USP37: variants seen among roughly 807,000 people sequenced by gnomAD.
The protein encoded by USP37 is ubiquitin carboxyl-terminal hydrolase 37.
USP37 carries 27 observed loss-of-function variants against 124.0 expected under a neutral mutation model. That is an observed-to-expected ratio of 0.22 (90% CI 0.16 to 0.30). USP37 has a LOEUF of 0.30. Ranked by LOEUF, USP37 falls within the 10% of genes least tolerant of loss-of-function variation. USP37 has a pLI of 1.00. For missense variants in USP37, 889 were observed against 1,140.4 expected (o/e 0.78, Z 3.17); for synonymous variants, 365 against 388.0 (o/e 0.94, Z 0.70).
In USP37 at chr2:218,547,084, G is replaced by A. The variant is rs988860015; in HGVS notation, c.437C>T (p.Ala146Val). 1.9e-5 allele frequency: 31 copies of A among 1,591,468 alleles called. No individual in the cohort carries two copies. Among genetic ancestry groups the A allele is most frequent in the Non-Finnish European group, 2.6e-5 (31 of 1,174,618 alleles). The change falls in exon 7 of 26, where the codon GCA becomes GTA. Residue 146 changes from alanine (A) to valine (V), a missense_variant. Physicochemically the swap from Ala to Val is moderately conservative, Grantham distance 64 (BLOSUM62 0). Transcript: ENST00000258399. ...QLSYSDNQASAKRGSLETKDD... is the reference protein window; with the variant it reads ...QLSYSDNQASVKRGSLETKDD... ...TTTAGTTTCCAAACTTCCTCTTTTT[G>A]CAGAAGCCTGTAAAAATAAAGTTTG...
chr2:218,481,211 A>C (rs76250295), intron 17 of USP37, among the ~76,000 whole-genome samples: 1 of 152,230 alleles, frequency 6.6e-6, no homozygotes, highest in African/African-American at 2.4e-5. Flanking sequence ...GCAAAAACCT[A>C]AAGTAAAGAT....
At chr2:218,508,392 G>A (rs1428060105) in intron 11 of USP37, among the ~76,000 whole-genome samples, 1 of 151,856 alleles carries the variant, frequency 6.6e-6, no homozygotes, top group Non-Finnish European at 1.5e-5. Flanking sequence ...CTAGAGATGG[G>A]TATAGGTACT....
At chr2:218,492,091 T>C (rs944328587) in intron 14 of USP37, among the ~76,000 whole-genome samples, 3 of 152,006 alleles carry the variant, frequency 2.0e-5, no homozygotes, top group African/African-American at 7.2e-5. Context: ...GTCCCAGCTA[T>C]TCGGGAGGCT....
intron 1 of USP37, among the ~76,000 whole-genome samples, chr2:218,566,517 G>C (rs1014841750): frequency 6.6e-6 from 1 of 152,212 alleles, no homozygotes; most frequent in Non-Finnish European, 1.5e-5. Flanking sequence ...TTTGGGTTTT[G>C]GGAGAGTGAC....
intron 13 of USP37, among the ~76,000 whole-genome samples, chr2:218,496,695 C>T (rs1295672577): frequency 1.3e-5 from 2 of 152,098 alleles, no homozygotes; most frequent in Non-Finnish European, 2.9e-5. Context: ...GTCACACAGG[C>T]TGGAGTACAA....
chr2:218,541,672 T>G (rs1691980374), intron 8 of USP37, among the ~76,000 whole-genome samples: 1 of 152,084 alleles, frequency 6.6e-6, no homozygotes, highest in Admixed American at 6.6e-5. Context: ...CACACTGTGG[T>G]TAATCCCACT....
chr2:218,566,887 C>G (rs1264786862), intron 1 of USP37, among the ~76,000 whole-genome samples: 1 of 151,958 alleles, frequency 6.6e-6, no homozygotes, highest in Non-Finnish European at 1.5e-5. Flanking sequence ...GTGTCATGTG[C>G]CACTTAATAA....
At chr2:218,527,092 T>C (rs1691023723) in intron 10 of USP37, among the ~76,000 whole-genome samples, 1 of 152,154 alleles carries the variant, frequency 6.6e-6, no homozygotes, top group Admixed American at 6.5e-5. Flanking sequence ...CCGGCCTGCT[T>C]TTATCATCTC....
At chr2:218,489,692 C>A (rs984487464) in intron 14 of USP37, among the ~76,000 whole-genome samples, 9 of 151,800 alleles carry the variant, frequency 5.9e-5, no homozygotes, top group Non-Finnish European at 1.2e-4. Flanking sequence ...GTTAGCCAGG[C>A]CAGTCTGGAA....
chr2:218,542,653 T>C (rs893551670), intron 8 of USP37, among the ~76,000 whole-genome samples: 1 of 152,188 alleles, frequency 6.6e-6, no homozygotes, highest in Non-Finnish European at 1.5e-5. Context: ...GCTTTCATGA[T>C]AGATTCCAAT....
At chr2:218,546,031 G>A (rs910077527) in intron 8 of USP37, among the ~76,000 whole-genome samples, 190 bp downstream of exon 8, 1 of 152,170 alleles carries the variant, frequency 6.6e-6, no homozygotes, top group African/African-American at 2.4e-5. Flanking sequence ...AATGACCAAA[G>A]CAATAGCACT....
intron 10 of USP37, among the ~76,000 whole-genome samples, chr2:218,519,631 G>GTTTGTTT (rs1234695100): frequency 1.3e-5 from 2 of 151,244 alleles, no homozygotes; most frequent in Non-Finnish European, 3.0e-5. Flanking sequence ...GTTTTTTCTT[G>GTTTGTTT]TTTGTTTTTT....
intron 9 of USP37, among the ~76,000 whole-genome samples, chr2:218,530,438 C>T (rs548497111): frequency 6.6e-6 from 1 of 152,176 alleles, no homozygotes; most frequent in Non-Finnish European, 1.5e-5. Flanking sequence ...TGGGGTACCA[C>T]GAACTGCACC....
intron 10 of USP37, among the ~76,000 whole-genome samples, chr2:218,517,234 TTA>T (rs1268426673): frequency 2.0e-5 from 3 of 152,244 alleles, no homozygotes; most frequent in Non-Finnish European, 2.9e-5. Context: ...CACTTCTGGT[TTA>T]TATGTTATTG....
intron 9 of USP37, among the ~76,000 whole-genome samples, chr2:218,532,090 A>G (rs1691357250): frequency 6.6e-6 from 1 of 152,244 alleles, no homozygotes; most frequent in Non-Finnish European, 1.5e-5. Flanking sequence ...TTCTGTGGGT[A>G]AAATGCTATC....
chr2:218,568,054 G>C (rs1693750549), intron 1 of USP37, 124 bp downstream of exon 1: 1 of 152,508 alleles, frequency 6.6e-6, no homozygotes, highest in South Asian at 2.1e-4. Context: ...TCGAGGGGTT[G>C]TGGGCGGGCT....
At chr2:218,515,940 CTCG>C (rs1485585169) in intron 10 of USP37, among the ~76,000 whole-genome samples, 6 of 122,320 alleles carry the variant, frequency 4.9e-5, no homozygotes, top group Non-Finnish European at 1.0e-4. Context: ...TGAAAAAAAG[CTCG>C]TCATCACTGG....
chr2:218,475,879 T>C (rs2106419599), intron 19 of USP37, among the ~76,000 whole-genome samples: 1 of 151,740 alleles, frequency 6.6e-6, no homozygotes, highest in African/African-American at 2.4e-5. Context: ...TGAGCCAAGA[T>C]CGTGCCACTG....
At chr2:218,551,886 G>A (rs1692680267) in intron 5 of USP37, among the ~76,000 whole-genome samples, 1 of 151,620 alleles carries the variant, frequency 6.6e-6, no homozygotes, top group Non-Finnish European at 1.5e-5. Context: ...TCTGCCTCCC[G>A]GGTTCACGCC....
Sources: gnomAD v4.1 joint callset for allele counts (sites outside exome capture counted in the v4.1 genomes callset) on GRCh38, gnomAD v4.1.1 for gene constraint, MANE v1.5 for transcripts, NCBI Gene and HGNC (gene_info 2026-07-23, HGNC 2026-07-21) for gene names.